Variants in KCNQ5 observed in about 807,000 individuals in gnomAD.
The protein encoded by KCNQ5 is potassium voltage-gated channel subfamily Q member 5.
KCNQ5 carries 30 observed loss-of-function variants against 98.2 expected under a neutral mutation model. The ratio of observed to expected loss-of-function variants is 0.31; its 90% CI spans 0.23 to 0.41. The LOEUF is 0.41. Ranked by LOEUF, KCNQ5 falls within the 10% of genes least tolerant of loss-of-function variation. KCNQ5 has a pLI of 1.00. For synonymous variants in KCNQ5, 458 were observed against 449.4 expected (o/e 1.02, Z -0.24); for missense variants, 835 against 1,182.5 (o/e 0.71, Z 4.31).
At chr6:73,065,041 T>C (rs939716628) in intron 3 of KCNQ5, among the ~76,000 whole-genome samples, 2 of 75,754 alleles carry the variant, frequency 2.6e-5, no homozygotes, top group Non-Finnish European at 5.4e-5. Context: ...GGATTCGTCC[T>C]GTAGCATGAG....
intron 2 of KCNQ5, among the ~76,000 whole-genome samples, chr6:73,032,853 G>A (rs1027916674): frequency 6.6e-6 from 1 of 152,072 alleles, no homozygotes; most frequent in Non-Finnish European, 1.5e-5. Context: ...ACCTCAGTAA[G>A]GCTCCTCCAC....
chr6:72,876,234 T>C (rs1778405394), intron 1 of KCNQ5, among the ~76,000 whole-genome samples: 1 of 152,148 alleles, frequency 6.6e-6, no homozygotes, highest in Non-Finnish European at 1.5e-5. Context: ...AATTAATATA[T>C]CAGCTTTAAT....
chr6:72,891,280 A>C (rs983886563), intron 1 of KCNQ5, among the ~76,000 whole-genome samples: 2 of 152,208 alleles, frequency 1.3e-5, no homozygotes, highest in Admixed American at 6.5e-5. Context: ...TCTAACATGA[A>C]AGTCTTCAGA....
chr6:73,131,193 T>G (rs1448224613), intron 9 of KCNQ5, among the ~76,000 whole-genome samples: 1 of 152,166 alleles, frequency 6.6e-6, no homozygotes, highest in East Asian at 1.9e-4. Context: ...ATAAACAAAC[T>G]ATGGTGGATT....
intron 7 of KCNQ5, among the ~76,000 whole-genome samples, chr6:73,116,984 A>G (rs79139196): frequency 0.031 from 4,736 of 152,306 alleles, 249 homozygotes; most frequent in African/African-American, 0.11. Context: ...ACTGAATTAT[A>G]CTGGCCTTGT....
At chr6:72,694,682 A>G (rs1299337315) in intron 1 of KCNQ5, among the ~76,000 whole-genome samples, 1 of 152,222 alleles carries the variant, frequency 6.6e-6, no homozygotes, top group African/African-American at 2.4e-5. Context: ...GAAATGTGTT[A>G]TTGTCACGAT....
intron 1 of KCNQ5, among the ~76,000 whole-genome samples, chr6:72,911,889 A>G (rs1439486704): frequency 6.6e-6 from 1 of 152,114 alleles, no homozygotes; most frequent in African/African-American, 2.4e-5. Context: ...TTTCACCACT[A>G]AAGTTGCATT....
intron 1 of KCNQ5, among the ~76,000 whole-genome samples, chr6:72,647,799 T>A (rs1414232463): frequency 6.6e-6 from 1 of 152,188 alleles, no homozygotes; most frequent in East Asian, 1.9e-4. Context: ...TAGATCACAG[T>A]ATTGACGATA....
chr6:72,954,528 T>C (rs1539336), intron 1 of KCNQ5, among the ~76,000 whole-genome samples: 132,256 of 151,168 alleles, frequency 0.87, 58,056 homozygotes, highest in Non-Finnish European at 0.93. Flanking sequence ...TTTCAAGACT[T>C]TTCTGTGTGT....
At chr6:72,970,404 A>G (rs1471775056) in intron 1 of KCNQ5, among the ~76,000 whole-genome samples, 2 of 152,248 alleles carry the variant, frequency 1.3e-5, no homozygotes, top group African/African-American at 4.8e-5. Flanking sequence ...TAGTTTGATT[A>G]CTACCATGTG....
intron 1 of KCNQ5, among the ~76,000 whole-genome samples, chr6:72,938,467 A>G (rs1333738273): frequency 1.3e-5 from 2 of 151,894 alleles, no homozygotes; most frequent in Non-Finnish European, 2.9e-5. Flanking sequence ...GCAACCTCCA[A>G]CTCCTGGGTT....
At chr6:72,831,613 A>C (rs1282918689) in intron 1 of KCNQ5, among the ~76,000 whole-genome samples, 2 of 151,848 alleles carry the variant, frequency 1.3e-5, no homozygotes, top group Non-Finnish European at 2.9e-5. Flanking sequence ...AAGCAGTAGG[A>C]GATATACCTA....
In KCNQ5 at chr6:72,777,595, C is replaced by T. The variant is rs1040384618; in HGVS notation, c.398+155008C>T. On this transcript the variant is annotated intron_variant, in intron 1 of 13. Transcript: ENST00000370398. ...GAATATCAGCAAGTGAAACAGTTTT[C>T]GATAAGCATTTAAACAACAACAACA... is the stretch of plus-strand genomic sequence containing the variant. Among the ~76,000 whole-genome samples the T allele has an allele frequency of 7.9e-5, 12 of 152,128 alleles. 1 individual carries two copies. The East Asian group carries it at 2.1e-3, about 27-fold the overall frequency.
chr6:72,983,958 GCTGGCGGTCCACTC>G (rs551551665), intron 1 of KCNQ5, among the ~76,000 whole-genome samples: 3 of 152,230 alleles, frequency 2.0e-5, no homozygotes, highest in South Asian at 2.1e-4. Flanking sequence ...ATTGGAGTTT[GCTGGCGGTCCACTC>G]CTGGCGGTCC....
At chr6:72,930,967 A>G (rs1173007954) in intron 1 of KCNQ5, among the ~76,000 whole-genome samples, 1 of 152,162 alleles carries the variant, frequency 6.6e-6, no homozygotes, top group Non-Finnish European at 1.5e-5. Context: ...GGGACATTGA[A>G]CTTTTACGTT....
At chr6:73,162,557 G>T (rs1777654408) in intron 10 of KCNQ5, among the ~76,000 whole-genome samples, 4 of 152,166 alleles carry the variant, frequency 2.6e-5, no homozygotes, top group Admixed American at 2.6e-4. Context: ...AGGCAAATGT[G>T]TAGTTGGAGA....
chr6:73,057,099 C>G (rs1772543049), intron 3 of KCNQ5, among the ~76,000 whole-genome samples: 2 of 152,084 alleles, frequency 1.3e-5, no homozygotes. Flanking sequence ...CAATGATAGA[C>G]TGGATTAAGA....
At chr6:72,640,588 A>G (rs1399040760) in intron 1 of KCNQ5, 1 of 152,240 alleles carries the variant, frequency 6.6e-6, no homozygotes, top group Non-Finnish European at 1.5e-5. Context: ...TCAGAAATCA[A>G]GCCATATTTT....
Position 73,108,750 on chromosome 6 carries a change from C to T in KCNQ5, c.1030-2558C>T, listed in dbSNP as rs566104284. Among the ~76,000 whole-genome samples, 238 of 152,134 alleles carry T rather than the reference C, an allele frequency of 1.6e-3. 1 individual carries two copies. Among genetic ancestry groups the T allele is most frequent in the African/African-American group, 5.6e-3 (231 of 41,504 alleles). On this transcript the variant is annotated intron_variant, in intron 6 of 13. Coordinates refer to ENST00000370398, the MANE Select transcript of KCNQ5 (RefSeq NM_019842.4). ...GCTGAGGCAGGAGAATGATGTAAAC[C>T]CAGGAGGCGGAACTTGCAGTGAGCC...
Sources: gnomAD v4.1 joint callset for allele counts (sites outside exome capture counted in the v4.1 genomes callset) on GRCh38, gnomAD v4.1.1 for gene constraint, MANE v1.5 for transcripts, NCBI Gene and HGNC (gene_info 2026-07-23, HGNC 2026-07-21) for gene names.